Variants in ZHX3 observed in about 807,000 individuals in gnomAD.
ZHX3 encodes the protein zinc fingers and homeoboxes 3, also known as zinc fingers and homeoboxes protein 3.
Under a neutral mutation model 64.5 loss-of-function variants are expected in ZHX3, and 20 were observed. The ratio of observed to expected loss-of-function variants is 0.31; its 90% confidence interval spans 0.22 to 0.45. ZHX3 has a LOEUF of 0.45. Among genes scored for constraint, ZHX3 ranks in the 20% least tolerant of loss-of-function variants. The probability of loss-of-function intolerance (pLI) is 1.00; values close to 1 mark genes in which losing one functional copy is unlikely to be tolerated. For synonymous variants in ZHX3, 423 were observed against 461.6 expected (o/e 0.92, Z 1.07); for missense variants, 1,041 against 1,195.8 (o/e 0.87, Z 1.91).
intron 1 of ZHX3, among the ~76,000 whole-genome samples, chr20:41,285,698 G>A (rs2043903547): frequency 6.6e-6 from 1 of 152,312 alleles, no homozygotes; most frequent in South Asian, 2.1e-4. Context: ...TGAATTATAG[G>A]GTCAAAACTT....
At chr20:41,198,170 G>C (rs1205349522) in intron 3 of ZHX3, among the ~76,000 whole-genome samples, 1 of 151,884 alleles carries the variant, frequency 6.6e-6, no homozygotes, top group Non-Finnish European at 1.5e-5. Flanking sequence ...GCTAAGTTTT[G>C]TATTTTTTGT....
intron 1 of ZHX3, among the ~76,000 whole-genome samples, chr20:41,275,075 T>C (rs770646884): frequency 2.0e-5 from 3 of 152,090 alleles, no homozygotes; most frequent in Non-Finnish European, 4.4e-5. Flanking sequence ...GGAGAATCAC[T>C]TGAACCCAGG....
chr20:41,231,695 T>C (rs988431770), intron 2 of ZHX3, among the ~76,000 whole-genome samples: 2 of 152,162 alleles, frequency 1.3e-5, no homozygotes, highest in African/African-American at 4.8e-5. Flanking sequence ...AGATGTTAAG[T>C]TAATAAATGA....
chr20:41,310,062 G>A (rs1410225783), intron 1 of ZHX3, among the ~76,000 whole-genome samples: 1 of 151,964 alleles, frequency 6.6e-6, no homozygotes, highest in Non-Finnish European at 1.5e-5. Flanking sequence ...TCCCCATCTA[G>A]CCTAGATACC....
Position 41,201,434 on chromosome 20 carries a change from T to A in ZHX3, c.2860+623A>T, listed in dbSNP as rs1225824331. On this transcript the variant is annotated intron_variant, in intron 3 of 3. Transcript: ENST00000683867. This position sits in a 1 kb window ranked among gnomAD's most constrained non-coding sequence, Gnocchi z 5.0. ...TGACTTGTCTGTGGCTTCAAAACTA[T>A]GTCTTAAATAAAAATAATCTTCTAT... 1 of 1,235,716 alleles carries A rather than the reference T, an allele frequency of 8.1e-7. No individual in the cohort carries two copies. Among genetic ancestry groups the A allele is most frequent in the East Asian group, 5.6e-5 (1 of 17,738 alleles). 76.5% of individuals were successfully genotyped at this position (1,235,716 alleles called of 1,614,324 possible).
chr20:41,263,489 G>T (rs970278264), intron 2 of ZHX3, among the ~76,000 whole-genome samples: 1 of 151,644 alleles, frequency 6.6e-6, no homozygotes, highest in African/African-American at 2.4e-5. Context: ...CTGCCTCCCG[G>T]GTTCAAGCAA....
At chr20:41,300,601 C>T (rs1021903777) in intron 1 of ZHX3, among the ~76,000 whole-genome samples, 1 of 152,050 alleles carries the variant, frequency 6.6e-6, no homozygotes, top group Non-Finnish European at 1.5e-5. Flanking sequence ...ACTTTATGCT[C>T]CAGGAGAAAT....
intron 1 of ZHX3, among the ~76,000 whole-genome samples, chr20:41,303,194 T>C (rs978232546): frequency 2.0e-5 from 3 of 152,256 alleles, no homozygotes; most frequent in African/African-American, 4.8e-5. Flanking sequence ...ACAGGACCCC[T>C]GACTCTTAGT....
intron 1 of ZHX3, among the ~76,000 whole-genome samples, chr20:41,288,603 A>C (rs912494981): frequency 1.3e-5 from 2 of 152,202 alleles, no homozygotes; most frequent in Non-Finnish European, 2.9e-5. Flanking sequence ...CAGAAGACAA[A>C]TCTTAGCTAG....
chr20:41,251,515 CAAGAA>C (rs1393267280), intron 2 of ZHX3, among the ~76,000 whole-genome samples: 1 of 151,956 alleles, frequency 6.6e-6, no homozygotes, highest in Non-Finnish European at 1.5e-5. Context: ...CAGAGAAAGA[CAAGAA>C]AAGAAACAGT....
intron 2 of ZHX3, among the ~76,000 whole-genome samples, chr20:41,240,695 C>T (rs921129192): frequency 3.9e-5 from 6 of 152,144 alleles, no homozygotes; most frequent in Non-Finnish European, 8.8e-5. Flanking sequence ...AACCATCCTT[C>T]TACTCTGTAT....
At chr20:41,308,100 C>A (rs912092755) in intron 1 of ZHX3, among the ~76,000 whole-genome samples, 1 of 152,212 alleles carries the variant, frequency 6.6e-6, no homozygotes, top group Non-Finnish European at 1.5e-5. Flanking sequence ...CATTAAAGAA[C>A]ATATTATCAC....
chr20:41,254,278 C>T (rs2042129318), intron 2 of ZHX3, among the ~76,000 whole-genome samples: 1 of 152,212 alleles, frequency 6.6e-6, no homozygotes, highest in Non-Finnish European at 1.5e-5. Context: ...ACTAGGCACA[C>T]ACTCTAGCAT....
chr20:41,277,630 C>T (rs952881806), intron 1 of ZHX3, among the ~76,000 whole-genome samples: 4 of 151,032 alleles, frequency 2.6e-5, no homozygotes, highest in African/African-American at 7.3e-5. Flanking sequence ...CTCGCTCTGT[C>T]GCCCAGGTTG....
At chr20:41,199,702 CTTT>C (rs34316877) in intron 3 of ZHX3, among the ~76,000 whole-genome samples, 13 of 136,698 alleles carry the variant, frequency 9.5e-5, no homozygotes, top group Non-Finnish European at 8.0e-5. Context: ...TCAAAAAACT[CTTT>C]TTTTTTTTTT....
intron 2 of ZHX3, among the ~76,000 whole-genome samples, chr20:41,222,284 A>T (rs2039994959): frequency 6.6e-6 from 1 of 152,158 alleles, no homozygotes; most frequent in African/African-American, 2.4e-5. Context: ...ATCAAGGATG[A>T]CTCCAAGATT....
Position 41,180,711 on chromosome 20 carries a change from G to T in ZHX3, c.*4480C>A, listed in dbSNP as rs2146083961. On this transcript the variant is annotated 3_prime_UTR_variant, in exon 4 of 4. Coordinates refer to ENST00000683867, the MANE Select transcript of ZHX3 (RefSeq NM_001384317.1). Reference sequence around the variant, plus strand: ...TTAGCCCTGCCCCACCCCTCCTGGTGTGACCTGGCACTGGGAACACACAGA... The same window carrying T: ...TTAGCCCTGCCCCACCCCTCCTGGTTTGACCTGGCACTGGGAACACACAGA... The T allele has an allele frequency of 6.6e-6, 1 of 152,404 alleles. No individual in the cohort carries two copies. The highest frequency in any genetic ancestry group is 1.9e-4 in the East Asian group (1 of 5,170). The allele number at this position is 152,404 out of a possible 1,614,324, so 9.4% of individuals were successfully genotyped here. A position where few individuals can be genotyped will look rare whatever the true frequency, so the allele number is the denominator to read the frequency against.
rs1334235357 is a variant in ZHX3 at position 41,183,472 on chromosome 20, C to CCT, written c.*1717_*1718dup. The CCT allele has an allele frequency of 6.6e-6, 1 of 152,238 alleles. No homozygotes were observed. The highest frequency in any genetic ancestry group is 1.5e-5 in the Non-Finnish European group (1 of 68,056). The allele number at this position is 152,238 out of a possible 1,614,324, so 9.4% of individuals were successfully genotyped here. A position where few individuals can be genotyped will look rare whatever the true frequency, so the allele number is the denominator to read the frequency against. On this transcript the variant is annotated 3_prime_UTR_variant, in exon 4 of 4. Transcript: ENST00000683867. This position sits in a 1 kb window ranked among gnomAD's most constrained non-coding sequence, Gnocchi z 5.3. ...CATGATTTTGGTTTCAAAAGCAAGA[C>CCT]CTCTCCTGGAAGGCAGAAGGGGCCA...
chr20:41,301,833 T>A (rs1169433206), intron 1 of ZHX3, among the ~76,000 whole-genome samples: 8 of 151,692 alleles, frequency 5.3e-5, no homozygotes, highest in Admixed American at 2.6e-4. Context: ...GGCGGGCGGA[T>A]CACGAGGTCA....
Sources: allele counts gnomAD v4.1 joint callset (sites outside exome capture counted in the v4.1 genomes callset), GRCh38; gene constraint gnomAD v4.1.1; non-coding constraint Gnocchi (gnomAD v3.1); transcripts MANE v1.5; gene names NCBI Gene and HGNC (gene_info 2026-07-23, HGNC 2026-07-21).